Variants in SGCZ observed in about 807,000 individuals in gnomAD.
The protein encoded by SGCZ is sarcoglycan zeta.
In SGCZ, 40 loss-of-function variants were observed where a neutral mutation model predicts 41.3. The observed-to-expected ratio is 0.97, with a 90% CI of 0.75 to 1.26. The LOEUF is 1.26. Among genes scored for constraint, SGCZ ranks in the 50% most tolerant of loss-of-function variants. SGCZ has a pLI of 0.00. For missense variants in SGCZ, 552 were observed against 369.8 expected (o/e 1.49, Z -4.04); for synonymous variants, 206 against 137.5 (o/e 1.50, Z -3.49).
intron 2 of SGCZ, among the ~76,000 whole-genome samples, chr8:14,540,792 A>G (rs1335121306): frequency 1.3e-5 from 2 of 151,864 alleles, no homozygotes; most frequent in Non-Finnish European, 2.9e-5. Context: ...TATCCTCATA[A>G]GTAGTACATT....
intron 1 of SGCZ, among the ~76,000 whole-genome samples, chr8:15,057,553 T>C (rs1256699727): frequency 6.6e-6 from 1 of 152,132 alleles, no homozygotes; most frequent in East Asian, 1.9e-4. Context: ...CATGTATTAA[T>C]TAAACAAGCT....
intron 1 of SGCZ, among the ~76,000 whole-genome samples, chr8:14,635,923 G>A (rs376362105): frequency 2.6e-5 from 4 of 151,816 alleles, no homozygotes; most frequent in African/African-American, 4.8e-5. Context: ...TAATGCTGCC[G>A]ATATGCTGTG....
intron 1 of SGCZ, among the ~76,000 whole-genome samples, chr8:14,875,017 T>C (rs887892210): frequency 3.9e-5 from 6 of 152,168 alleles, no homozygotes; most frequent in Non-Finnish European, 1.5e-5. Flanking sequence ...ATTTCAAGCA[T>C]AAAAGGGTAT....
At chr8:14,237,999 G>A (rs1806830121) in intron 3 of SGCZ, among the ~76,000 whole-genome samples, 1 of 152,144 alleles carries the variant, frequency 6.6e-6, no homozygotes, top group Non-Finnish European at 1.5e-5. Context: ...GCCTGCCTGT[G>A]CAGATATTCC....
chr8:14,468,559 C>T (rs1297140029), intron 2 of SGCZ, among the ~76,000 whole-genome samples: 2 of 152,002 alleles, frequency 1.3e-5, no homozygotes, highest in Non-Finnish European at 2.9e-5. Context: ...TCTAACTCCA[C>T]AATATTGAAT....
At chr8:14,429,081 T>C (rs1279076671) in intron 2 of SGCZ, among the ~76,000 whole-genome samples, 1 of 152,182 alleles carries the variant, frequency 6.6e-6, no homozygotes, top group Non-Finnish European at 1.5e-5. Context: ...TGAAGAAACT[T>C]GCTGTCTTAG....
intron 1 of SGCZ, among the ~76,000 whole-genome samples, chr8:14,929,551 G>T (rs1052847199): frequency 5.3e-5 from 8 of 151,460 alleles, no homozygotes; most frequent in African/African-American, 2.0e-4. Context: ...GGCCTCAGGG[G>T]AGTCAAATAA....
At chr8:14,555,476 G>C (rs1380315808) in intron 1 of SGCZ, among the ~76,000 whole-genome samples, 2 of 152,014 alleles carry the variant, frequency 1.3e-5, no homozygotes, top group Non-Finnish European at 2.9e-5. Context: ...AGACGTGTCT[G>C]TTTCCCCTTT....
intron 1 of SGCZ, among the ~76,000 whole-genome samples, chr8:14,965,920 C>G (rs141180422): frequency 3.9e-5 from 6 of 151,906 alleles, no homozygotes; most frequent in Admixed American, 2.6e-4. Flanking sequence ...AACTCATGAT[C>G]GAAGAAGAAA....
intron 1 of SGCZ, among the ~76,000 whole-genome samples, chr8:14,852,399 T>C (rs556588702): frequency 4.6e-5 from 7 of 152,322 alleles, no homozygotes; most frequent in Admixed American, 3.9e-4. Flanking sequence ...AGAATATTCT[T>C]ATGCTTCTAA....
At chr8:14,980,660 G>C (rs1801629560) in intron 1 of SGCZ, among the ~76,000 whole-genome samples, 1 of 152,100 alleles carries the variant, frequency 6.6e-6, no homozygotes, top group Non-Finnish European at 1.5e-5. Context: ...GGAAACCCCT[G>C]ATAAAACCAT....
At chr8:14,385,985 A>T (rs1487718665) in intron 2 of SGCZ, among the ~76,000 whole-genome samples, 2 of 152,200 alleles carry the variant, frequency 1.3e-5, no homozygotes, top group South Asian at 2.1e-4. Flanking sequence ...TACAATGTAA[A>T]TACTATGTAA....
At chr8:14,958,573 C>G (rs1277826795) in intron 1 of SGCZ, among the ~76,000 whole-genome samples, 1 of 151,812 alleles carries the variant, frequency 6.6e-6, no homozygotes, top group Admixed American at 6.6e-5. Flanking sequence ...GAGGTGGAAA[C>G]TGACTAGAAA....
intron 6 of SGCZ, 148 bp from the exon 7 acceptor site, chr8:14,102,647 T>G: frequency 2.8e-6 from 2 of 716,334 alleles, no homozygotes; most frequent in Non-Finnish European, 3.8e-6. Context: ...CCTACCATTT[T>G]AGGCAAAGCC....
intron 1 of SGCZ, among the ~76,000 whole-genome samples, chr8:14,562,206 C>T (rs796804149): frequency 1.7e-4 from 26 of 152,170 alleles, no homozygotes; most frequent in African/African-American, 6.3e-4. Context: ...TCCAAACTAG[C>T]TGGAATCATT....
chr8:15,172,154 G>GTTTTTTTTTTATTTATTTATT (rs1563164643), intron 1 of SGCZ, among the ~76,000 whole-genome samples: 2 of 71,774 alleles, frequency 2.8e-5, no homozygotes, highest in Non-Finnish European at 5.3e-5. Context: ...TTTATACTCT[G>GTTTTTTTTTTATTTATTTATT]TTTTTTTTTT....
intron 1 of SGCZ, among the ~76,000 whole-genome samples, chr8:14,903,618 C>T (rs1236550087): frequency 6.6e-6 from 1 of 152,022 alleles, no homozygotes; most frequent in Non-Finnish European, 1.5e-5. Context: ...GTTTCAGTCA[C>T]TTCTATGAAA....
chr8:15,168,343 A>C (rs1799725119), intron 1 of SGCZ, among the ~76,000 whole-genome samples: 1 of 152,190 alleles, frequency 6.6e-6, no homozygotes. Flanking sequence ...GTAAAGACCA[A>C]ATTACTGTCC....
chr8:14,890,488 T>G (rs972892020), intron 1 of SGCZ, among the ~76,000 whole-genome samples: 4 of 152,166 alleles, frequency 2.6e-5, no homozygotes, highest in African/African-American at 4.8e-5. Flanking sequence ...TCTGCAATTC[T>G]ATGAAGACTG....
Sources: allele counts gnomAD v4.1 joint callset (sites outside exome capture counted in the v4.1 genomes callset), GRCh38; gene constraint gnomAD v4.1.1; transcripts MANE v1.5; gene names NCBI Gene and HGNC (gene_info 2026-07-23, HGNC 2026-07-21).